TRA2B: variants seen among roughly 807,000 people sequenced by gnomAD.
The protein encoded by TRA2B is transformer 2 beta homolog, also known as transformer-2 protein homolog beta.
Under a neutral mutation model 41.7 loss-of-function variants are expected in TRA2B, and 14 were observed. The ratio of observed to expected loss-of-function variants is 0.34; its 90% CI spans 0.22 to 0.53. TRA2B has a LOEUF of 0.53. Among genes scored for constraint, TRA2B ranks in the 20% least tolerant of loss-of-function variants. TRA2B has a pLI of 0.95. For missense variants in TRA2B, 167 were observed against 396.8 expected (o/e 0.42, Z 4.92); for synonymous variants, 130 against 128.8 (o/e 1.01, Z -0.06).
rs562219700 is a variant in TRA2B, at chr3:185,923,844, T to G, written c.474A>C (p.Ser158=). ...SIVYDQQSRR[S]RGFAFVYFEN... is the part of the protein sequence containing the mutation. ...CAAAATATACAAAGGCAAATCCTCT[T>G]GAACGCCTAGACTGCTGGTCATATA... Residue 158 remains serine, a synonymous_variant, in exon 4 of 9, where the codon TCA becomes TCC. Transcript: ENST00000453386. 5 of 1,612,378 alleles carry G rather than the reference T, an allele frequency of 3.1e-6. No homozygotes were observed. The highest frequency in any genetic ancestry group is 3.4e-5 in the Admixed American group (2 of 59,518).
intron 4 of TRA2B, chr3:185,923,172 A>T (rs1381013441): frequency 6.5e-6 from 1 of 152,706 alleles, no homozygotes. Flanking sequence ...CCTGCTCAGG[A>T]GGCTGAGGCA....
At chr3:185,934,989 G>C (rs1235752861) in intron 1 of TRA2B, 25 of 985,440 alleles carry the variant, frequency 2.5e-5, no homozygotes, top group Middle Eastern at 5.2e-4. Flanking sequence ...CTCACTCGTA[G>C]AAACTCATTA....
intron 4 of TRA2B, 99 bp downstream of exon 4, chr3:185,923,697 T>C (rs1417910772): frequency 2.6e-6 from 3 of 1,168,580 alleles, no homozygotes; most frequent in Non-Finnish European, 3.5e-6. Context: ...GTTCGAAGTA[T>C]TACTGACTTG....
intron 5 of TRA2B, among the ~76,000 whole-genome samples, chr3:185,921,728 C>T (rs1743743887): frequency 6.6e-6 from 1 of 152,174 alleles, no homozygotes; most frequent in African/African-American, 2.4e-5. Context: ...TGCACCATCG[C>T]ACTCCAGCCT....
intron 1 of TRA2B, among the ~76,000 whole-genome samples, 188 bp downstream of exon 1, chr3:185,937,637 G>A (rs1311285586): frequency 6.6e-6 from 1 of 152,202 alleles, no homozygotes; most frequent in South Asian, 2.1e-4. Flanking sequence ...CCTCCTTCAC[G>A]ACCAAAGGCA....
intron 6 of TRA2B, among the ~76,000 whole-genome samples, chr3:185,920,527 A>G (rs994083968): frequency 1.3e-5 from 2 of 151,864 alleles, no homozygotes; most frequent in African/African-American, 4.8e-5. Flanking sequence ...CCCCTGCCTC[A>G]GCCTATAATT....
chr3:185,923,107 A>AC (rs1444439862), intron 4 of TRA2B: 1 of 152,138 alleles, frequency 6.6e-6, no homozygotes, highest in African/African-American at 2.4e-5. Flanking sequence ...ACATGGAGAA[A>AC]CCCCGTCTCT....
intron 1 of TRA2B, among the ~76,000 whole-genome samples, chr3:185,929,930 A>G (rs1744086841): frequency 6.6e-6 from 1 of 152,104 alleles, no homozygotes; most frequent in Admixed American, 6.5e-5. Flanking sequence ...TCCCCTTAGC[A>G]TTAATCAGAC....
intron 1 of TRA2B, chr3:185,937,574 A>T (rs750102481): frequency 1.3e-5 from 8 of 594,586 alleles, no homozygotes; most frequent in African/African-American, 2.0e-5. Flanking sequence ...CCCTCTTATA[A>T]CGGGAAAAAC....
rs142399466 is a variant in TRA2B at position 185,935,350 on chromosome 3, GA to G, written c.36+2474del. ...TTAATCTATTACCTTTGAGAGGGGG[GA>G]AAAAATAAATCCCACAGACCAACGA... On this transcript the variant is annotated intron_variant, in intron 1 of 8. Coordinates refer to ENST00000453386, the MANE Select transcript of TRA2B (RefSeq NM_004593.3). The G allele has an allele frequency of 2.9e-3, 2,824 of 984,790 alleles. 47 individuals carry two copies. The African/African-American group carries it at 0.044, about 15-fold the overall frequency. 61.0% of individuals were successfully genotyped at this position (984,790 alleles called of 1,614,324 possible).
At chr3:185,931,831 AT>A in intron 1 of TRA2B, 1 of 1,509,920 alleles carries the variant, frequency 6.6e-7, no homozygotes, top group Non-Finnish European at 8.8e-7. Context: ...CGACTTCCGC[AT>A]TTTCCTTCTT....
chr3:185,935,136 T>C (rs1362895264), intron 1 of TRA2B: 2 of 985,344 alleles, frequency 2.0e-6, no homozygotes, highest in Admixed American at 6.1e-5. Flanking sequence ...CTTCTTGTAA[T>C]TGTGACTTAA....
chr3:185,921,234 A>G (rs1054589334), intron 5 of TRA2B, 47 bp from the exon 6 acceptor site: 2 of 1,528,760 alleles, frequency 1.3e-6, no homozygotes, highest in African/African-American at 1.4e-5. Context: ...CTTTCTGGAC[A>G]TGAGTTTTTA....
intron 1 of TRA2B, chr3:185,936,665 G>C (rs1053310172): frequency 1.7e-5 from 17 of 978,166 alleles, no homozygotes; most frequent in Admixed American, 1.3e-4. Context: ...GGGAAACTTA[G>C]GTAACAAATT....
Position 185,916,903 on chromosome 3 carries a change from A to T in TRA2B, c.*812T>A, listed in dbSNP as rs1261382562. 3 of 152,640 alleles carry T rather than the reference A, an allele frequency of 2.0e-5. No individual in the cohort carries two copies. The highest frequency in any genetic ancestry group is 4.4e-5 in the Non-Finnish European group (3 of 68,028). The allele number at this position is 152,640 out of a possible 1,614,324, so 9.5% of individuals were successfully genotyped here. A position where few individuals can be genotyped will look rare whatever the true frequency, so the allele number is the denominator to read the frequency against. ...CAGGTATAGTGTTCCCTTATCATGT[A>T]CTTTGAAGCACCCGGTTTTTTCATA... is the stretch of plus-strand genomic sequence containing the variant. On this transcript the variant is annotated 3_prime_UTR_variant, in exon 9 of 9. Transcript: ENST00000453386.
At chr3:185,937,549 C>T in intron 1 of TRA2B, 1 of 970,092 alleles carries the variant, frequency 1.0e-6, no homozygotes, top group South Asian at 3.7e-5. Context: ...GACGCAGCGG[C>T]CATTTTCATC....
At chr3:185,921,445 CAA>C (rs1743730048) in intron 5 of TRA2B, among the ~76,000 whole-genome samples, 1 of 152,074 alleles carries the variant, frequency 6.6e-6, no homozygotes, top group African/African-American at 2.4e-5. Context: ...TAAGAGGAAA[CAA>C]AAATAGTATC....
At position 185,917,572 on chromosome 3, in the gene TRA2B, C is replaced by T; in HGVS notation, c.*143G>A. On this transcript the variant is annotated 3_prime_UTR_variant, in exon 9 of 9. Coordinates refer to ENST00000453386, the MANE Select transcript of TRA2B (RefSeq NM_004593.3). ...GCAGAATGAAAACAGCATTTCAACT[C>T]CACCAAAAGTAGTCATCGTAAAAGG... The T allele has an allele frequency of 1.4e-6, 1 of 728,102 alleles. No homozygotes were observed. The highest frequency in any genetic ancestry group is 2.2e-6 in the Non-Finnish European group (1 of 447,128). The allele number at this position is 728,102 out of a possible 1,614,324, so 45.1% of individuals were successfully genotyped here.
intron 8 of TRA2B, 119 bp from the exon 9 acceptor site, chr3:185,917,844 C>T (rs1024956293): frequency 1.0e-6 from 1 of 957,912 alleles, no homozygotes. Context: ...CAGAACCCCA[C>T]CACCCCCAAA....
Sources: allele counts gnomAD v4.1 joint callset (sites outside exome capture counted in the v4.1 genomes callset), GRCh38; gene constraint gnomAD v4.1.1; transcripts MANE v1.5; gene names NCBI Gene and HGNC (gene_info 2026-07-23, HGNC 2026-07-21).